The following NBPF8 variants were observed in gnomAD, a reference collection of about 807,000 sequenced individuals.
NBPF8 encodes NBPF family member NBPF8.
chr1:120,468,224 A>ATTCT (rs1469505396), downstream of NBPF8, among the ~76,000 whole-genome samples: 1 of 150,664 alleles, frequency 6.6e-6, no homozygotes, highest in East Asian at 2.0e-4. Flanking sequence ...TACCGGTGAC[A>ATTCT]TTCTGTGATT....
downstream of NBPF8, among the ~76,000 whole-genome samples, chr1:120,468,518 G>T (rs1570949357): frequency 6.7e-6 from 1 of 149,092 alleles, no homozygotes; most frequent in Non-Finnish European, 1.5e-5. Context: ...CATACATGGT[G>T]TATGTTCTCA....
At chr1:120,468,502 G>T, downstream of NBPF8, among the ~76,000 whole-genome samples, 1 of 146,406 alleles carries the variant, frequency 6.8e-6, no homozygotes, top group East Asian at 2.0e-4. Context: ...TGTCCTCCTT[G>T]GGGGACATAC....
intron 3 of NBPF8, among the ~76,000 whole-genome samples, chr1:120,428,369 A>C (rs1660780534): frequency 6.6e-6 from 1 of 152,194 alleles, no homozygotes; most frequent in Non-Finnish European, 1.5e-5. Flanking sequence ...CCAGAGTCAC[A>C]GAATATCAGA....
chr1:120,454,514 C>T (rs200907922), intron 15 of NBPF8, among the ~76,000 whole-genome samples: 14 of 152,040 alleles, frequency 9.2e-5, no homozygotes, highest in Non-Finnish European at 2.9e-5. Context: ...GTTCCCCAGG[C>T]TTCACTGCTC....
At chr1:120,419,118 C>T (rs1235025403), upstream of NBPF8, among the ~76,000 whole-genome samples, 1 of 152,120 alleles carries the variant, frequency 6.6e-6, no homozygotes, top group Non-Finnish European at 1.5e-5. Context: ...ATACCATATT[C>T]AACAATCTCC....
chr1:120,455,506 G>T (rs1661410601), intron 16 of NBPF8, 46 bp downstream of exon 14: 1 of 532,576 alleles, frequency 1.9e-6, no homozygotes. Context: ...GTGACATCTG[G>T]AGATTGTAGA....
chr1:120,434,306 T>A (rs1661004483), upstream of NBPF8, among the ~76,000 whole-genome samples: 1 of 147,454 alleles, frequency 6.8e-6, no homozygotes, highest in Non-Finnish European at 1.5e-5. Flanking sequence ...TATATACACG[T>A]ATGTATATAC....
upstream of NBPF8, chr1:120,432,233 A>G (rs1383854694): frequency 7.4e-6 from 1 of 134,810 alleles, no homozygotes; most frequent in Non-Finnish European, 1.6e-5. Context: ...TCAGACCCCC[A>G]ATAAAACTCG....
At chr1:120,435,873 T>A (rs1553247681), upstream of NBPF8, among the ~76,000 whole-genome samples, 68,509 of 145,098 alleles carry the variant, frequency 0.47, 17,813 homozygotes, top group African/African-American at 0.68. Context: ...CTCAAAAAAA[T>A]AAAAAAGTCA....
At chr1:120,425,128 G>A (rs1369143005) in intron 1 of NBPF8, among the ~76,000 whole-genome samples, 22 of 152,000 alleles carry the variant, frequency 1.4e-4, no homozygotes, top group East Asian at 3.9e-4. Flanking sequence ...ATACAGCCTC[G>A]TGGGAAGGGA....
intron 21 of NBPF8, among the ~76,000 whole-genome samples, 197 bp downstream of exon 19, chr1:120,463,163 A>C (rs1449078646): frequency 6.7e-6 from 1 of 149,142 alleles, no homozygotes; most frequent in Non-Finnish European, 1.5e-5. Context: ...GCAAGGCTCT[A>C]TTCCTAGTCT....
upstream of NBPF8, among the ~76,000 whole-genome samples, chr1:120,415,039 G>A (rs1163994967): frequency 2.0e-5 from 3 of 152,124 alleles, no homozygotes; most frequent in Admixed American, 1.3e-4. Flanking sequence ...CGCGCCGAGC[G>A]GGACCCTGAG....
In NBPF8 at chr1:120,427,867, GA is replaced by G. The variant is rs1360627410; in HGVS notation, n.510+21del. Among the ~76,000 whole-genome samples the G allele has an allele frequency of 1.3e-5, 2 of 148,936 alleles. No homozygotes were observed. Among genetic ancestry groups the G allele is most frequent in the African/African-American group, 5.0e-5 (2 of 40,348 alleles). On this transcript the variant is annotated intron_variant and non_coding_transcript_variant, in intron 3 of 28. Transcript: ENST00000652355. ...ATCAAGGTGCGTACTCAAACACAGA[GA>G]GCTTTCTGAAAGATGCTACCAGTAG... is the stretch of plus-strand genomic sequence containing the variant.
intron 16 of NBPF8, among the ~76,000 whole-genome samples, chr1:120,457,772 T>C (rs1330068033): frequency 1.7e-5 from 1 of 59,952 alleles, no homozygotes; most frequent in African/African-American, 1.2e-4. Flanking sequence ...CAAAAAATAA[T>C]AAAGGAAAAC....
upstream of NBPF8, among the ~76,000 whole-genome samples, chr1:120,419,123 A>G (rs1660503659): frequency 6.6e-6 from 1 of 152,214 alleles, no homozygotes; most frequent in Non-Finnish European, 1.5e-5. Context: ...ATATTCAACA[A>G]TCTCCAAGTG....
rs1459763912 is a variant in NBPF8, at chr1:120,436,595, C to T, written n.243C>T. The T allele has an allele frequency of 2.7e-5, 43 of 1,605,104 alleles. 1 individual carries two copies. Among genetic ancestry groups the T allele is most frequent in the South Asian group, 8.8e-5 (8 of 90,808 alleles). On this transcript the variant is annotated non_coding_transcript_exon_variant, in exon 1 of 25. Transcript: ENST00000583271. ...CATTCTAGAAATCAACGAGAAATTGCGCCCCCAGTTGGCAGAGAACAAACA... is the reference window on the plus strand; with the variant it reads ...CATTCTAGAAATCAACGAGAAATTGTGCCCCCAGTTGGCAGAGAACAAACA...
chr1:120,419,615 T>A (rs1165446580), upstream of NBPF8, among the ~76,000 whole-genome samples: 4 of 151,910 alleles, frequency 2.6e-5, no homozygotes, highest in East Asian at 7.7e-4. Flanking sequence ...TGTGCCACCA[T>A]GCTGGGCCAA....
chr1:120,459,730 C>A (rs1661521972), intron 17 of NBPF8, among the ~76,000 whole-genome samples, 200 bp downstream of exon 15: 1 of 152,106 alleles, frequency 6.6e-6, no homozygotes, highest in Non-Finnish European at 1.5e-5. Flanking sequence ...TTGCTCTCTT[C>A]CTAGTCTCAC....
upstream of NBPF8, among the ~76,000 whole-genome samples, chr1:120,419,443 TTGG>T (rs1192662233): frequency 3.3e-5 from 5 of 152,040 alleles, no homozygotes; most frequent in African/African-American, 1.2e-4. Context: ...CAAGTATTAC[TTGG>T]TGAAAACTTC....
Sources: allele counts gnomAD v4.1 joint callset (sites outside exome capture counted in the v4.1 genomes callset), GRCh38; gene constraint gnomAD v4.1.1; transcripts MANE v1.5; gene names NCBI Gene and HGNC (gene_info 2026-07-23, HGNC 2026-07-21).